ADAMTSL1: variants seen among roughly 807,000 people sequenced by gnomAD.
ADAMTSL1 encodes the protein ADAMTS-like protein 1.
In ADAMTSL1, 126 loss-of-function variants were observed where a neutral mutation model predicts 201.8. That is an observed-to-expected ratio of 0.62 (90% CI 0.54 to 0.72). The LOEUF is 0.72. Ranked by LOEUF, ADAMTSL1 falls within the 30% of genes least tolerant of loss-of-function variation. The pLI is 0.00. For synonymous variants in ADAMTSL1, 1,121 were observed against 903.4 expected, an observed-to-expected ratio of 1.24 and a Z score of -4.32; for missense variants, 2,679 against 2,277.8, an observed-to-expected ratio of 1.18 and a Z score of -3.59.
chr9:18,749,646 C>G (rs745633524), intron 15 of ADAMTSL1, among the ~76,000 whole-genome samples: 4 of 152,178 alleles, frequency 2.6e-5, no homozygotes, highest in Non-Finnish European at 4.4e-5. Flanking sequence ...ACAGAACGCA[C>G]GGAATAGGGC....
At chr9:18,652,502 A>G (rs753782186) in intron 7 of ADAMTSL1, among the ~76,000 whole-genome samples, 3 of 152,292 alleles carry the variant, frequency 2.0e-5, no homozygotes, top group South Asian at 4.1e-4. Context: ...TATTTTGGTG[A>G]AACAGCAATA....
At chr9:18,056,708 T>G (rs954599588) in intron 1 of ADAMTSL1, among the ~76,000 whole-genome samples, 1 of 152,212 alleles carries the variant, frequency 6.6e-6, no homozygotes, top group African/African-American at 2.4e-5. Flanking sequence ...CAAAAGTGCC[T>G]GATCTCTCAG....
At chr9:18,501,443 C>G (rs1377191513) in intron 1 of ADAMTSL1, among the ~76,000 whole-genome samples, 4 of 138,218 alleles carry the variant, frequency 2.9e-5, no homozygotes, top group African/African-American at 1.1e-4. Context: ...CCCAGGAGGT[C>G]AAGGCTGCAA....
chr9:18,686,162 C>G (rs557285707), intron 13 of ADAMTSL1, among the ~76,000 whole-genome samples: 13 of 152,304 alleles, frequency 8.5e-5, no homozygotes, highest in Admixed American at 6.5e-4. Flanking sequence ...CTCAAGCAAT[C>G]CGCCTGCCTC....
Position 18,574,095 on chromosome 9 carries a change from C to A in ADAMTSL1, c.303C>A (p.His101Gln), listed in dbSNP as rs1053081501. 2 of 1,614,090 alleles carry A rather than the reference C, an allele frequency of 1.2e-6. No individual in the cohort carries two copies. The highest frequency in any genetic ancestry group is 1.1e-5 in the South Asian group (1 of 91,072). Residue 101 changes from histidine to glutamine, a missense_variant, in exon 4 of 29, where the codon CAC (histidine) becomes CAA (glutamine). By Grantham distance (24) the His-to-Gln change is conservative. Coordinates refer to ENST00000380548, the MANE Select transcript of ADAMTSL1 (RefSeq NM_001040272.6). ...GCTCAGCTCATAATGATGTCAAGCA[C>A]CATGGCCAGTTTTATGAATGGCTTC... ...QQCSAHNDVK[H>Q]HGQFYEWLPV...
intron 1 of ADAMTSL1, among the ~76,000 whole-genome samples, chr9:18,057,861 C>A (rs902098098): frequency 3.9e-5 from 6 of 152,232 alleles, no homozygotes; most frequent in African/African-American, 7.2e-5. Flanking sequence ...TGACCATCTT[C>A]TTTGAACCCC....
At chr9:18,849,763 C>G (rs775593735) in intron 23 of ADAMTSL1, among the ~76,000 whole-genome samples, 5 of 152,190 alleles carry the variant, frequency 3.3e-5, no homozygotes, top group East Asian at 3.8e-4. Context: ...TTTCCTAAAG[C>G]TTTGCCCACA....
chr9:17,975,280 A>C (rs1178187870), intron 1 of ADAMTSL1, among the ~76,000 whole-genome samples: 1 of 151,680 alleles, frequency 6.6e-6, no homozygotes, highest in Non-Finnish European at 1.5e-5. Flanking sequence ...GGCTTATTTG[A>C]GCTGTTATAA....
At chr9:18,352,206 T>A (rs1835997878) in intron 2 of ADAMTSL1, among the ~76,000 whole-genome samples, 1 of 152,240 alleles carries the variant, frequency 6.6e-6, no homozygotes, top group Non-Finnish European at 1.5e-5. Flanking sequence ...CTATAGATAC[T>A]GATGCTAATG....
chr9:18,249,751 A>G (rs1052200242), intron 2 of ADAMTSL1, among the ~76,000 whole-genome samples: 7 of 152,214 alleles, frequency 4.6e-5, no homozygotes, highest in East Asian at 1.9e-4. Context: ...GTTACTCTCA[A>G]CCAAAAGCTA....
intron 9 of ADAMTSL1, among the ~76,000 whole-genome samples, chr9:18,675,528 A>G (rs1015558678): frequency 3.3e-5 from 5 of 152,170 alleles, no homozygotes; most frequent in Non-Finnish European, 7.4e-5. Context: ...CATAGGATGT[A>G]TAATTTGGGG....
rs973885111 is a variant in ADAMTSL1 at position 17,978,928 on chromosome 9, C to T, written c.87+72006C>T. The stretch of plus-strand genomic sequence containing the variant: ...CTTTAATTCTCCTTCATTTGAAATA[C>T]AGCTTTACTAGGTAAAGTATTCTTG... On this transcript the variant is annotated intron_variant, in intron 1 of 29. Coordinates refer to the ADAMTSL1 transcript ENST00000680146. Among the ~76,000 whole-genome samples, 3 of 150,444 alleles carry T rather than the reference C, an allele frequency of 2.0e-5. No individual in the cohort carries two copies. The Admixed American group carries it at 2.0e-4, about 10-fold the overall frequency.
intron 3 of ADAMTSL1, among the ~76,000 whole-genome samples, chr9:18,537,832 C>G (rs1027888421): frequency 2.0e-5 from 3 of 147,586 alleles, no homozygotes; most frequent in African/African-American, 7.6e-5. Flanking sequence ...CTTGTTTACA[C>G]CACTGCACTC....
chr9:18,207,315 C>T (rs1397519515), intron 2 of ADAMTSL1, among the ~76,000 whole-genome samples: 2 of 152,210 alleles, frequency 1.3e-5, no homozygotes, highest in African/African-American at 4.8e-5. Flanking sequence ...TTATTGGGCA[C>T]TTGTGTGATT....
intron 2 of ADAMTSL1, among the ~76,000 whole-genome samples, chr9:18,310,448 C>T (rs1469349624): frequency 1.5e-5 from 2 of 134,442 alleles, no homozygotes; most frequent in East Asian, 4.8e-4. Flanking sequence ...AAAAATTTTG[C>T]AATCTATCCA....
intron 3 of ADAMTSL1, among the ~76,000 whole-genome samples, chr9:18,541,310 G>A (rs2132156931): frequency 6.6e-6 from 1 of 152,272 alleles, no homozygotes; most frequent in East Asian, 1.9e-4. Flanking sequence ...CAGGAGTTAA[G>A]ACCAGCCTGG....
intron 2 of ADAMTSL1, among the ~76,000 whole-genome samples, chr9:18,187,861 A>G (rs72701538): frequency 6.6e-6 from 1 of 152,154 alleles, no homozygotes; most frequent in African/African-American, 2.4e-5. Context: ...GGAAATAAAA[A>G]TATGTCATGT....
chr9:18,308,613 A>C, intron 2 of ADAMTSL1, among the ~76,000 whole-genome samples: 1 of 134,824 alleles, frequency 7.4e-6, no homozygotes, highest in East Asian at 1.9e-4. Flanking sequence ...TCCTGGACAC[A>C]CACCTTCCCC....
At chr9:18,521,860 A>C (rs1320661410) in intron 2 of ADAMTSL1, among the ~76,000 whole-genome samples, 1 of 152,204 alleles carries the variant, frequency 6.6e-6, no homozygotes, top group Non-Finnish European at 1.5e-5. Context: ...AGAATATGGG[A>C]CTTGTGAAAC....
Sources: gnomAD v4.1 joint callset for allele counts (sites outside exome capture counted in the v4.1 genomes callset) on GRCh38, gnomAD v4.1.1 for gene constraint, MANE v1.5 for transcripts, NCBI Gene and HGNC (gene_info 2026-07-23, HGNC 2026-07-21) for gene names.